STXBP5: variants seen among roughly 807,000 people sequenced by gnomAD.
The protein encoded by STXBP5 is syntaxin binding protein 5.
Under a neutral mutation model 152.4 loss-of-function variants are expected in STXBP5, and 50 were observed. The observed-to-expected ratio is 0.33, with a 90% confidence interval of 0.26 to 0.42. The LOEUF (loss-of-function observed/expected upper bound fraction) is 0.42. Ranked by LOEUF, STXBP5 falls within the 10% of genes least tolerant of loss-of-function variation. The pLI is 1.00. For synonymous variants in STXBP5, 492 were observed against 494.7 expected (o/e 0.99, Z 0.07); for missense variants, 1,167 against 1,388.6 (o/e 0.84, Z 2.54).
chr6:147,232,637 G>A (rs143246149), intron 2 of STXBP5, among the ~76,000 whole-genome samples: 7 of 151,750 alleles, frequency 4.6e-5, no homozygotes, highest in East Asian at 1.9e-4. Flanking sequence ...TAGATATATC[G>A]CCTGTAAAAC....
At chr6:147,268,516 G>A (rs903385507) in intron 7 of STXBP5, among the ~76,000 whole-genome samples, 1 of 152,120 alleles carries the variant, frequency 6.6e-6, no homozygotes, top group African/African-American at 2.4e-5. Context: ...TTTTAGGCAT[G>A]ACTGAAAGGG....
At position 147,310,363 on chromosome 6, in the gene STXBP5, T is replaced by C. The variant is rs1330308096; in HGVS notation, c.1072+125T>C. 4.3e-6 allele frequency: 3 copies of C among 692,894 alleles called. No individual in the cohort carries two copies. In the African/African-American group the frequency reaches 5.6e-5, roughly 13 times the overall value. The allele number at this position is 692,894 out of a possible 1,614,324, so 42.9% of individuals were successfully genotyped here. A position where few individuals can be genotyped will look rare whatever the true frequency, so the allele number is the denominator to read the frequency against. On this transcript the variant is annotated intron_variant, in intron 10 of 27. Coordinates refer to ENST00000321680, the MANE Select transcript of STXBP5 (RefSeq NM_001127715.4). ...GCTAATTCTTCTGGAGAAGAGCTGCTGCATTCATAATCTACAAACTTTATT... is the reference window on the plus strand; with the variant it reads ...GCTAATTCTTCTGGAGAAGAGCTGCCGCATTCATAATCTACAAACTTTATT...
At chr6:147,365,227 T>C (rs1020914173) in intron 25 of STXBP5, among the ~76,000 whole-genome samples, 1 of 152,212 alleles carries the variant, frequency 6.6e-6, no homozygotes, top group Non-Finnish European at 1.5e-5. Context: ...AAATTACATA[T>C]CTGACATTAG....
chr6:147,251,731 C>G (rs1779106600), intron 4 of STXBP5, among the ~76,000 whole-genome samples: 1 of 152,226 alleles, frequency 6.6e-6, no homozygotes. Flanking sequence ...GCACAGTGCT[C>G]AAGTTCTGCT....
At chr6:147,261,040 A>T (rs1286545515) in intron 5 of STXBP5, among the ~76,000 whole-genome samples, 1 of 152,004 alleles carries the variant, frequency 6.6e-6, no homozygotes, top group African/African-American at 2.4e-5. Context: ...AATGAAAATC[A>T]TCTAATTTTT....
chr6:147,297,854 A>G (rs1288242477), intron 9 of STXBP5, among the ~76,000 whole-genome samples: 1 of 152,096 alleles, frequency 6.6e-6, no homozygotes, highest in Admixed American at 6.6e-5. Context: ...AATAAATCAC[A>G]GCAGATGCAC....
intron 4 of STXBP5, among the ~76,000 whole-genome samples, chr6:147,242,120 A>G (rs1054403633): frequency 3.3e-5 from 5 of 151,522 alleles, no homozygotes; most frequent in Admixed American, 2.6e-4. Flanking sequence ...GAGATTGATG[A>G]TCCTGATCCT....
intron 2 of STXBP5, among the ~76,000 whole-genome samples, chr6:147,220,542 T>C (rs1777408124): frequency 6.6e-6 from 1 of 152,142 alleles, no homozygotes; most frequent in Admixed American, 6.5e-5. Context: ...TTGTCTCATA[T>C]ATTTTGACAC....
chr6:147,382,867 T>C lies in STXBP5; in HGVS notation c.3283T>C (p.Ser1095Pro). The change falls in exon 27 of 28, where the codon TCT (serine) becomes CCT (proline). Residue 1095 changes from serine (S) to proline (P), a missense_variant. By Grantham distance (74) the Ser-to-Pro change is moderately conservative (BLOSUM62 -1). Transcript: ENST00000321680. ...GGIEGVKGAASGVVGELARAR... is the reference protein window; with the variant it reads ...GGIEGVKGAAPGVVGELARAR... ...CATTGAAGGCGTAAAAGGGGCAGCA[T>C]CTGGAGTTGTTGGTGAATTAGCACG... is the stretch of plus-strand genomic sequence containing the variant. 1 of 1,613,504 alleles carries C rather than the reference T, an allele frequency of 6.2e-7. No homozygotes were observed. The highest frequency in any genetic ancestry group is 8.5e-7 in the Non-Finnish European group (1 of 1,179,684).
At chr6:147,325,180 C>A in intron 17 of STXBP5, 96 bp downstream of exon 17, 1 of 1,176,862 alleles carries the variant, frequency 8.5e-7, no homozygotes, top group Non-Finnish European at 1.1e-6. Flanking sequence ...GTTATATCGT[C>A]ACCTAAAATG....
At chr6:147,288,207 G>A (rs1037671116) in intron 8 of STXBP5, among the ~76,000 whole-genome samples, 3 of 152,134 alleles carry the variant, frequency 2.0e-5, no homozygotes, top group Non-Finnish European at 4.4e-5. Context: ...AGGGATTTTT[G>A]TCTCCCATAT....
chr6:147,263,847 T>G (rs1435979909), intron 6 of STXBP5, among the ~76,000 whole-genome samples: 1 of 152,008 alleles, frequency 6.6e-6, no homozygotes, highest in Non-Finnish European at 1.5e-5. Flanking sequence ...TTATTAGTAC[T>G]TTAGTTATGA....
At chr6:147,362,000 G>C (rs533994162) in intron 23 of STXBP5, among the ~76,000 whole-genome samples, 5 of 152,116 alleles carry the variant, frequency 3.3e-5, no homozygotes, top group Admixed American at 1.3e-4. Flanking sequence ...ACTAGATTTA[G>C]TAAATAAAAA....
chr6:147,366,884 T>A (rs1785314304), intron 25 of STXBP5, among the ~76,000 whole-genome samples: 1 of 152,142 alleles, frequency 6.6e-6, no homozygotes, highest in African/African-American at 2.4e-5. Context: ...TCAAGAAAAC[T>A]TAAAGGAAAT....
intron 17 of STXBP5, among the ~76,000 whole-genome samples, chr6:147,326,207 TTTC>T (rs1386069544): frequency 6.6e-6 from 1 of 152,204 alleles, no homozygotes; most frequent in African/African-American, 2.4e-5. Context: ...GAGCACAAAC[TTTC>T]TTCTTTTAAA....
chr6:147,249,587 C>T (rs608147), intron 4 of STXBP5, among the ~76,000 whole-genome samples: 53,814 of 151,840 alleles, frequency 0.35, 10,106 homozygotes, highest in East Asian at 0.44. Context: ...GTTGAGGGTG[C>T]GAGCCGATTC....
chr6:147,356,332 A>G (rs1221014293), intron 22 of STXBP5, among the ~76,000 whole-genome samples: 1 of 152,034 alleles, frequency 6.6e-6, no homozygotes. Context: ...CTATCACTAC[A>G]TCACAACTGA....
chr6:147,288,173 A>G (rs926737028), intron 8 of STXBP5, among the ~76,000 whole-genome samples: 7 of 152,076 alleles, frequency 4.6e-5, no homozygotes, highest in East Asian at 1.9e-4. Flanking sequence ...ACAGATTGCT[A>G]TTGTTCTGGA....
chr6:147,229,789 A>G (rs971679110), intron 2 of STXBP5, among the ~76,000 whole-genome samples: 4 of 151,752 alleles, frequency 2.6e-5, no homozygotes, highest in Admixed American at 2.6e-4. Context: ...TATATATGAG[A>G]TTATGTCACC....
Sources: gnomAD v4.1 joint callset for allele counts (sites outside exome capture counted in the v4.1 genomes callset) on GRCh38, gnomAD v4.1.1 for gene constraint, MANE v1.5 for transcripts, NCBI Gene and HGNC (gene_info 2026-07-23, HGNC 2026-07-21) for gene names.